The following MAP4K1 variants were observed in gnomAD, a reference collection of about 807,000 sequenced individuals.
MAP4K1 encodes MAPK/ERK kinase kinase kinase 1.
In MAP4K1, 35 loss-of-function variants were observed where a neutral mutation model predicts 122.8. The observed-to-expected ratio is 0.29, with a 90% CI of 0.22 to 0.38. The LOEUF is 0.38. Among genes scored for constraint, MAP4K1 ranks in the 10% least tolerant of loss-of-function variants. MAP4K1 has a pLI of 1.00. For synonymous variants in MAP4K1, 412 were observed against 421.3 expected, an observed-to-expected ratio of 0.98 and a Z score of 0.27; for missense variants, 791 against 1,072.6, an observed-to-expected ratio of 0.74 and a Z score of 3.67.
In MAP4K1 at chr19:38,617,554, T is replaced by A; in HGVS notation, c.157+14A>T. 1 of 1,613,898 alleles carries A rather than the reference T, an allele frequency of 6.2e-7. No homozygotes were observed. The highest frequency in any genetic ancestry group is 8.5e-7 in the Non-Finnish European group (1 of 1,179,850). On this transcript the variant is annotated intron_variant, in intron 2 of 30. Transcript: ENST00000396857. This position sits in a 1 kb window ranked among gnomAD's most constrained non-coding sequence, Gnocchi z 4.1. ...GTGGGGATGTGGGGAAGGAGCTCCA[T>A]GTTCCCTCCTCACCAGGCTCCATCT...
intron 22 of MAP4K1, among the ~76,000 whole-genome samples, chr19:38,599,365 A>AT (rs1398821467): frequency 6.8e-6 from 1 of 147,394 alleles, no homozygotes; most frequent in East Asian, 2.0e-4. Flanking sequence ...AAAAAAAAAA[A>AT]AAAGGCTAAT....
At chr19:38,596,997 C>G (rs754210792) in intron 25 of MAP4K1, 37 bp downstream of exon 25, 125 of 1,593,076 alleles carry the variant, frequency 7.8e-5, no homozygotes, top group Non-Finnish European at 1.0e-4. Context: ...TAGCCACCCA[C>G]TCCTCAGAGT....
Position 38,611,117 on chromosome 19 carries a change from G to T in MAP4K1, c.744C>A (p.His248Gln). ...KEKGKWSAAF[H>Q]NFIKVTLTKS... ...TAGTCAGAGTGACTTTGATGAAGTT[G>T]TGGAAGGCAGCCGACCTTGGGAAGA... The change falls in exon 11 of 31, where the codon CAC (histidine) becomes CAA (glutamine). Residue 248 changes from histidine to glutamine, a missense_variant. Coordinates refer to ENST00000396857, the MANE Select transcript of MAP4K1 (RefSeq NM_001042600.3). The T allele has an allele frequency of 6.2e-7, 1 of 1,613,618 alleles. No homozygotes were observed. Among genetic ancestry groups the T allele is most frequent in the Non-Finnish European group, 8.5e-7 (1 of 1,179,828 alleles).
At chr19:38,603,118 GTACATATATACGCATA>G (rs1315248847) in intron 19 of MAP4K1, among the ~76,000 whole-genome samples, 1 of 66,054 alleles carries the variant, frequency 1.5e-5, no homozygotes, top group African/African-American at 6.2e-5. Flanking sequence ...ATATACACAT[GTACATATATACGCATA>G]TACATATATA....
At chr19:38,605,358 C>CA in intron 19 of MAP4K1, 51 bp downstream of exon 19, 1 of 1,309,064 alleles carries the variant, frequency 7.6e-7, no homozygotes, top group Non-Finnish European at 1.1e-6. Context: ...CCCCACCAGG[C>CA]ATCCCCAGCC....
rs183395758 is a variant in MAP4K1, at chr19:38,617,306, C to T, written c.248+48G>A. 6.0e-6 allele frequency: 8 copies of T among 1,338,022 alleles called. No individual in the cohort carries two copies. The highest frequency in any genetic ancestry group is 1.7e-5 in the Admixed American group (1 of 59,654). 82.9% of individuals were successfully genotyped at this position (1,338,022 alleles called of 1,614,324 possible). A position where few individuals can be genotyped will look rare whatever the true frequency, so the allele number is the denominator to read the frequency against. On this transcript the variant is annotated intron_variant, in intron 3 of 30. Transcript: ENST00000396857. This position sits in a 1 kb window ranked among gnomAD's most constrained non-coding sequence, Gnocchi z 4.1. ...TACCCCCATCAAGAAATGGGGACTC[C>T]GGGTTAGGGGCTGGGCTGGGTGCCA...
In MAP4K1 at chr19:38,605,707, G is replaced by A. The variant is rs201024197; in HGVS notation, c.1224C>T (p.Asp408=). 9 of 1,607,138 alleles carry A rather than the reference G, an allele frequency of 5.6e-6. No homozygotes were observed. The East Asian group carries it at 1.1e-4, about 20-fold the overall frequency. The change falls in exon 18 of 31, where the codon GAC becomes GAT. Residue 408 remains aspartate, a synonymous_variant. Transcript: ENST00000396857. ...PPKPKFRSPS[D]EGPGSMGDDG... Reference sequence around the variant, plus strand: ...CATCCCCCATGCTCCCAGGACCCTCGTCTGATGGAGAACGGAACTTGGGCT... The same window carrying A: ...CATCCCCCATGCTCCCAGGACCCTCATCTGATGGAGAACGGAACTTGGGCT...
At chr19:38,609,836 G>T in intron 12 of MAP4K1, 73 bp downstream of exon 12, 2 of 1,384,112 alleles carry the variant, frequency 1.4e-6, no homozygotes, top group Non-Finnish European at 1.0e-6. Flanking sequence ...CAGCAGGAAG[G>T]CACTGCTGGC....
chr19:38,606,239 T>C (rs1975325781), intron 16 of MAP4K1, 24 bp from the exon 17 acceptor site: 1 of 1,327,270 alleles, frequency 7.5e-7, no homozygotes, highest in Non-Finnish European at 1.0e-6. Flanking sequence ...ATGGGTTAAA[T>C]AGCTGGGGGG....
chr19:38,593,193 A>T, intron 30 of MAP4K1, 89 bp downstream of exon 30: 1 of 1,230,730 alleles, frequency 8.1e-7, no homozygotes. Context: ...TGTCCAGGCT[A>T]GAGATACCTT....
chr19:38,610,372 A>ATTTTTTTT (rs35103992), intron 11 of MAP4K1, among the ~76,000 whole-genome samples: 3 of 76,196 alleles, frequency 3.9e-5, no homozygotes, highest in African/African-American at 1.2e-4. Flanking sequence ...CGCCCAGCTA[A>ATTTTTTTT]TTTTTTTTTT....
rs1975695033 is a variant in MAP4K1, at chr19:38,617,782, G to A, written c.99+15C>T. ...CACTGGTTGTAGGGTGTTGGGGACA[G>A]AGGGGCTTCCTCACCTTAAAGACTT... On this transcript the variant is annotated intron_variant, in intron 1 of 30. Coordinates refer to ENST00000396857, the MANE Select transcript of MAP4K1 (RefSeq NM_001042600.3). The surrounding 1 kb of genome is among the most constrained non-coding windows in gnomAD (Gnocchi z 4.1). 1 of 1,613,636 alleles carries A rather than the reference G, an allele frequency of 6.2e-7. No homozygotes were observed. Among genetic ancestry groups the A allele is most frequent in the Non-Finnish European group, 8.5e-7 (1 of 1,179,640 alleles).
In MAP4K1 at chr19:38,595,515, T is replaced by C; in HGVS notation, c.2310A>G (p.Gly770=). ...CCGAGCCTAGAGCCCACACCTGCAC[T>C]CCATGCTTCCAGAAGGCCTGAAGCT... ...GGQLQAFWKH[G]VQVWALGSDQ... is the part of the protein sequence containing the mutation. Residue 770 remains glycine, a synonymous_variant, in exon 29 of 31, where the codon GGA becomes GGG. Coordinates refer to ENST00000396857, the MANE Select transcript of MAP4K1 (RefSeq NM_001042600.3). 5 of 1,614,056 alleles carry C rather than the reference T, an allele frequency of 3.1e-6. No homozygotes were observed. Among genetic ancestry groups the C allele is most frequent in the Non-Finnish European group, 4.2e-6 (5 of 1,180,012 alleles).
At chr19:38,600,268 T>G in intron 20 of MAP4K1, 115 bp from the exon 21 acceptor site, 1 of 837,636 alleles carries the variant, frequency 1.2e-6, no homozygotes, top group South Asian at 1.5e-5. Context: ...CCTCTATTCT[T>G]TCTCCAAACC....
intron 9 of MAP4K1, among the ~76,000 whole-genome samples, 169 bp from the exon 10 acceptor site, chr19:38,611,474 A>G (rs1975496626): frequency 6.6e-6 from 1 of 152,146 alleles, no homozygotes; most frequent in Admixed American, 6.6e-5. Flanking sequence ...AAGGGAAGCC[A>G]TTTATGAAGT....
intron 30 of MAP4K1, among the ~76,000 whole-genome samples, chr19:38,590,232 T>C (rs8112984): frequency 1 from 136,424 of 136,426 alleles, 68,211 homozygotes; most frequent in Non-Finnish European, 1. Flanking sequence ...CAAACACAGT[T>C]AAGGGACATT....
chr19:38,613,627 A>G (rs1975564395), intron 8 of MAP4K1, among the ~76,000 whole-genome samples: 1 of 152,136 alleles, frequency 6.6e-6, no homozygotes, highest in Non-Finnish European at 1.5e-5. Context: ...GAGGAAAAAG[A>G]CAGAAATGGA....
chr19:38,612,483 G>A (rs1384514467), intron 9 of MAP4K1, 128 bp downstream of exon 9: 3 of 591,606 alleles, frequency 5.1e-6, no homozygotes, highest in African/African-American at 1.9e-5. Context: ...GCTGCAGCAC[G>A]TGCAAAGGTA....
chr19:38,613,814 G>A, intron 8 of MAP4K1, 66 bp downstream of exon 8: 1 of 1,292,326 alleles, frequency 7.7e-7, no homozygotes, highest in Non-Finnish European at 1.1e-6. Context: ...AGGATCCCGG[G>A]GAACCAGGGT....
Sources: allele counts gnomAD v4.1 joint callset (sites outside exome capture counted in the v4.1 genomes callset), GRCh38; gene constraint gnomAD v4.1.1; non-coding constraint Gnocchi (gnomAD v3.1); transcripts MANE v1.5; gene names NCBI Gene and HGNC (gene_info 2026-07-23, HGNC 2026-07-21).